The following CADM2 variants were observed in gnomAD, a reference collection of about 807,000 sequenced individuals.
CADM2 encodes the protein immunoglobulin superfamily member 4D.
Under a neutral mutation model 49.8 loss-of-function variants are expected in CADM2, and 12 were observed. The ratio of observed to expected loss-of-function variants is 0.24; its 90% confidence interval spans 0.15 to 0.39. The LOEUF is 0.39. Among genes scored for constraint, CADM2 ranks in the 10% least tolerant of loss-of-function variants. The pLI, the probability that CADM2 is intolerant of heterozygous loss-of-function variation, is 1.00. For synonymous variants in CADM2, 214 were observed against 175.4 expected (o/e 1.22, Z -1.74); for missense variants, 378 against 492.3 (o/e 0.77, Z 2.20).
At chr3:85,484,875 A>G (rs2107634264) in intron 1 of CADM2, among the ~76,000 whole-genome samples, 1 of 152,096 alleles carries the variant, frequency 6.6e-6, no homozygotes, top group Non-Finnish European at 1.5e-5. Flanking sequence ...GTCATATGAT[A>G]GAGTTTGGAT....
intron 1 of CADM2, among the ~76,000 whole-genome samples, chr3:85,045,838 G>T (rs191998305): frequency 6.6e-6 from 1 of 151,916 alleles, no homozygotes. Context: ...ATTGGAAAAA[G>T]GTTCATATAA....
Position 85,646,053 on chromosome 3 carries a change from G to A in CADM2, c.62-80469G>A, listed in dbSNP as rs371417117. 7.8e-4 allele frequency among the ~76,000 whole-genome samples: 118 copies of A among 152,070 alleles called. 2 individuals carry two copies. The highest frequency in any genetic ancestry group is 2.6e-3 in the African/African-American group (107 of 41,530). On this transcript the variant is annotated intron_variant, in intron 1 of 9. Transcript: ENST00000383699. ...GTCCCTGATCAATGCAAGCACTCAA[G>A]ACCAGCCTGGATTCTAGTGGATCAT...
chr3:85,677,062 T>G (rs990746962), intron 1 of CADM2, among the ~76,000 whole-genome samples: 4 of 152,162 alleles, frequency 2.6e-5, no homozygotes, highest in Non-Finnish European at 5.9e-5. Flanking sequence ...CTTCTGCTAA[T>G]GTAGCCTAAA....
At chr3:85,355,299 C>T (rs1559796821) in intron 1 of CADM2, among the ~76,000 whole-genome samples, 2 of 151,966 alleles carry the variant, frequency 1.3e-5, no homozygotes, top group Non-Finnish European at 1.5e-5. Context: ...CTTACTCCTT[C>T]GGAAATAATT....
chr3:85,427,287 A>C (rs1559834535), intron 1 of CADM2, among the ~76,000 whole-genome samples: 1 of 151,186 alleles, frequency 6.6e-6, no homozygotes, highest in Non-Finnish European at 1.5e-5. Flanking sequence ...CTGGTCCAAC[A>C]ATTAGTCCAA....
chr3:85,675,146 A>G (rs561877300), intron 1 of CADM2, among the ~76,000 whole-genome samples: 1 of 152,272 alleles, frequency 6.6e-6, no homozygotes, highest in East Asian at 1.9e-4. Flanking sequence ...TCCGTGTGCC[A>G]CTTTTCCCTT....
At chr3:85,633,593 A>G (rs1362054936) in intron 1 of CADM2, among the ~76,000 whole-genome samples, 1 of 152,002 alleles carries the variant, frequency 6.6e-6, no homozygotes, top group Non-Finnish European at 1.5e-5. Context: ...TAAAATTCAA[A>G]CATTGTTTCA....
chr3:85,822,210 G>T lies in CADM2; in HGVS notation c.238+20014G>T, dbSNP rs1017280004. 3.9e-5 allele frequency among the ~76,000 whole-genome samples: 6 copies of T among 152,256 alleles called. No homozygotes were observed. The East Asian group carries it at 1.2e-3, about 29-fold the overall frequency. On this transcript the variant is annotated intron_variant, in intron 3 of 9. Coordinates refer to ENST00000383699, the MANE Select transcript of CADM2 (RefSeq NM_001167675.2). ...TTAACATCAGTTATAGCAGAGAAAT[G>T]AATCTTAGAGAAATACATTGGCAGT...
intron 8 of CADM2, chr3:86,014,207 TAGATGG>T: frequency 7.7e-7 from 1 of 1,293,952 alleles, no homozygotes; most frequent in South Asian, 1.6e-5. Context: ...ACACAAATAT[TAGATGG>T]AGTAACTGTG....
chr3:85,287,980 G>A (rs573264878), intron 1 of CADM2, among the ~76,000 whole-genome samples: 1 of 151,348 alleles, frequency 6.6e-6, no homozygotes, highest in South Asian at 2.1e-4. Context: ...ATAGCATTAG[G>A]AGATATACCT....
rs562518035 is a variant in CADM2 at position 86,069,190 on chromosome 3, T to C, written c.*2407T>C. On this transcript the variant is annotated 3_prime_UTR_variant, in exon 10 of 10. Transcript: ENST00000383699. ...TACTTGGCTCCAACAACTAAATTGT[T>C]GCCTAAATAACTCAATCATTATTTA... is the stretch of plus-strand genomic sequence containing the variant. 6.6e-6 allele frequency: 1 copy of C among 151,972 alleles called. No individual in the cohort carries two copies. Among genetic ancestry groups the C allele is most frequent in the Non-Finnish European group, 1.5e-5 (1 of 67,882 alleles). The allele number at this position is 151,972 out of a possible 1,614,324, so 9.4% of individuals were successfully genotyped here.
intron 2 of CADM2, among the ~76,000 whole-genome samples, chr3:85,760,191 CA>C (rs1177909243): frequency 6.6e-6 from 1 of 152,028 alleles, no homozygotes; most frequent in African/African-American, 2.4e-5. Context: ...TTCTAAAAAT[CA>C]AATGTACACA....
intron 1 of CADM2, among the ~76,000 whole-genome samples, chr3:85,439,846 G>A (rs898399550): frequency 1.3e-5 from 2 of 152,056 alleles, no homozygotes; most frequent in African/African-American, 4.8e-5. Context: ...TAAATAGAGG[G>A]TTAAAGCAAT....
intron 1 of CADM2, among the ~76,000 whole-genome samples, chr3:85,481,267 C>T (rs73142741): frequency 0.21 from 30,678 of 147,518 alleles, 3,758 homozygotes; most frequent in East Asian, 0.3. Context: ...CACAATCAAT[C>T]AACAGTGTTT....
In CADM2 at chr3:85,212,766, T is replaced by C. The variant is rs186141342; in HGVS notation, c.61+253098T>C. ...AGTGTTATAATATTCTGCATCTTAC[T>C]ATTACCAGTGAATTTTTTGCCTTCA... On this transcript the variant is annotated intron_variant, in intron 1 of 9. Coordinates refer to ENST00000383699, the MANE Select transcript of CADM2 (RefSeq NM_001167675.2). 1.7e-4 allele frequency among the ~76,000 whole-genome samples: 26 copies of C among 152,094 alleles called. 1 individual carries two copies. The East Asian group carries it at 5.0e-3, about 29-fold the overall frequency.
chr3:85,456,622 G>T (rs1019134524), intron 1 of CADM2, among the ~76,000 whole-genome samples: 3 of 151,884 alleles, frequency 2.0e-5, no homozygotes, highest in African/African-American at 7.3e-5. Context: ...TTTCTGATAA[G>T]ATTTTATTTA....
intron 3 of CADM2, among the ~76,000 whole-genome samples, chr3:85,815,558 A>G (rs2073157098): frequency 6.6e-6 from 1 of 152,204 alleles, no homozygotes; most frequent in African/African-American, 2.4e-5. Context: ...CTTCATGCTA[A>G]AAAATTTCAA....
intron 1 of CADM2, among the ~76,000 whole-genome samples, chr3:85,412,590 G>A (rs937282033): frequency 6.6e-6 from 1 of 151,260 alleles, no homozygotes; most frequent in Non-Finnish European, 1.5e-5. Context: ...AAAAGTCATG[G>A]TTACATCAAC....
chr3:85,817,246 A>C (rs943372370), intron 3 of CADM2, among the ~76,000 whole-genome samples: 3 of 152,200 alleles, frequency 2.0e-5, no homozygotes, highest in Non-Finnish European at 4.4e-5. Context: ...ACAAATGGAA[A>C]GTAGGGAGGT....
Sources: allele counts gnomAD v4.1 joint callset (sites outside exome capture counted in the v4.1 genomes callset), GRCh38; gene constraint gnomAD v4.1.1; transcripts MANE v1.5; gene names NCBI Gene and HGNC (gene_info 2026-07-23, HGNC 2026-07-21).